ST3GAL3: variants seen among roughly 807,000 people sequenced by gnomAD.
The protein encoded by ST3GAL3 is ST3 beta-galactoside alpha-2,3-sialyltransferase 3.
In ST3GAL3, 21 loss-of-function variants were observed where a neutral mutation model predicts 50.1. That is an observed-to-expected ratio of 0.42 (90% confidence interval 0.30 to 0.60). ST3GAL3 has a LOEUF of 0.60. ST3GAL3 is among the 20% of genes least tolerant of loss of function. ST3GAL3 has a pLI of 0.19. For missense variants in ST3GAL3, 353 were observed against 489.4 expected, an observed-to-expected ratio of 0.72 and a Z score of 2.63; for synonymous variants, 183 against 190.0, an observed-to-expected ratio of 0.96 and a Z score of 0.30.
chr1:43,851,259 A>C lies in ST3GAL3; in HGVS notation c.302+12948A>C. Reference sequence around the variant, plus strand: ...GATTCAAAGAAGATGGACGTGGCAGAGATTTTCTTCTTGTCTGTCATGAAC... The same window carrying C: ...GATTCAAAGAAGATGGACGTGGCAGCGATTTTCTTCTTGTCTGTCATGAAC... On this transcript the variant is annotated intron_variant, in intron 5 of 11. Transcript: ENST00000347631. 1.9e-6 allele frequency: 3 copies of C among 1,577,926 alleles called. No homozygotes were observed. In the South Asian group the frequency reaches 3.3e-5, roughly 17 times the overall value.
chr1:43,732,969 C>A (rs748578391), intron 1 of ST3GAL3, among the ~76,000 whole-genome samples: 96 of 140,620 alleles, frequency 6.8e-4, no homozygotes, highest in South Asian at 1.3e-3. Context: ...CTTGTGACTT[C>A]ATAAAAAATA....
chr1:43,914,933 C>T (rs537329249), intron 9 of ST3GAL3, among the ~76,000 whole-genome samples: 2 of 151,838 alleles, frequency 1.3e-5, no homozygotes, highest in South Asian at 2.1e-4. Context: ...TTTCTCCACC[C>T]GTCCGTTTCC....
At chr1:43,921,699 T>G in intron 11 of ST3GAL3, 1 of 398,728 alleles carries the variant, frequency 2.5e-6, no homozygotes, top group Non-Finnish European at 4.4e-6. Context: ...TTATCTATCC[T>G]TCTCCATCAT....
intron 3 of ST3GAL3, among the ~76,000 whole-genome samples, chr1:43,793,393 CTT>C (rs1381003608): frequency 6.6e-6 from 1 of 152,136 alleles, no homozygotes; most frequent in East Asian, 1.9e-4. Flanking sequence ...CAATTACACT[CTT>C]TTAATTATTT....
chr1:43,741,200 A>G (rs1469165307), intron 2 of ST3GAL3, among the ~76,000 whole-genome samples: 2 of 151,962 alleles, frequency 1.3e-5, no homozygotes, highest in Non-Finnish European at 2.9e-5. Flanking sequence ...GTGGTGGTAC[A>G]TGTCTATGGT....
intron 5 of ST3GAL3, among the ~76,000 whole-genome samples, chr1:43,870,210 G>A (rs1291479858): frequency 6.6e-6 from 1 of 152,226 alleles, no homozygotes; most frequent in Non-Finnish European, 1.5e-5. Flanking sequence ...AATGAATTTT[G>A]TGAGGCTAAA....
intron 1 of ST3GAL3, among the ~76,000 whole-genome samples, chr1:43,719,936 A>G (rs1669552594): frequency 1.0e-4 from 5 of 49,404 alleles, no homozygotes; most frequent in Non-Finnish European, 3.1e-4. Context: ...CTGTCTCAGA[A>G]AAAAAAAAAA....
At chr1:43,917,592 T>A (rs59341298) in intron 9 of ST3GAL3, among the ~76,000 whole-genome samples, 2,408 of 48,318 alleles carry the variant, frequency 0.05, 71 homozygotes, top group East Asian at 0.19. Flanking sequence ...GTATTATATA[T>A]AATATATATA....
chr1:43,878,590 T>C (rs1341182633), intron 5 of ST3GAL3, among the ~76,000 whole-genome samples: 22 of 152,032 alleles, frequency 1.4e-4, no homozygotes, highest in Admixed American at 1.4e-3. Context: ...GGAGTGTGGC[T>C]GGGGGACTGT....
chr1:43,798,943 A>G (rs890969571), intron 3 of ST3GAL3, among the ~76,000 whole-genome samples: 10 of 152,242 alleles, frequency 6.6e-5, no homozygotes, highest in African/African-American at 2.4e-4. Context: ...GCTTGAGGTC[A>G]AATAAATAAT....
At chr1:43,824,744 C>T (rs777363966) in intron 4 of ST3GAL3, 2 of 1,613,980 alleles carry the variant, frequency 1.2e-6, no homozygotes. Flanking sequence ...ACCGAGGACT[C>T]TCTGCACGGT....
intron 3 of ST3GAL3, among the ~76,000 whole-genome samples, chr1:43,809,618 G>C (rs1414416198): frequency 6.6e-6 from 1 of 151,564 alleles, no homozygotes; most frequent in African/African-American, 2.4e-5. Flanking sequence ...GATTGCTTGA[G>C]CCCAGAAGTT....
chr1:43,775,094 A>G (rs1290308564), intron 2 of ST3GAL3, among the ~76,000 whole-genome samples: 2 of 152,154 alleles, frequency 1.3e-5, no homozygotes, highest in African/African-American at 2.4e-5. Context: ...TCCTAGTGTA[A>G]GAGCGAGAAC....
chr1:43,824,602 T>G, intron 4 of ST3GAL3: 1 of 1,053,494 alleles, frequency 9.5e-7, no homozygotes, highest in Non-Finnish European at 1.5e-6. Context: ...AGCATAGCAT[T>G]GCAGGATTTG....
chr1:43,864,210 G>A (rs892718602), intron 5 of ST3GAL3, among the ~76,000 whole-genome samples: 1 of 152,200 alleles, frequency 6.6e-6, no homozygotes, highest in Non-Finnish European at 1.5e-5. Flanking sequence ...CCTGGGAGAC[G>A]GAGGTTGCAG....
intron 2 of ST3GAL3, among the ~76,000 whole-genome samples, chr1:43,752,082 G>A (rs6429639): frequency 0.35 from 52,904 of 151,958 alleles, 9,986 homozygotes; most frequent in African/African-American, 0.5. Context: ...CTCCCTAAGT[G>A]CGGGGATTAC....
At chr1:43,813,990 C>T (rs2060935479) in intron 3 of ST3GAL3, among the ~76,000 whole-genome samples, 1 of 151,760 alleles carries the variant, frequency 6.6e-6, no homozygotes, top group Non-Finnish European at 1.5e-5. Flanking sequence ...ATATCATTTT[C>T]CTTATACAAA....
intron 9 of ST3GAL3, among the ~76,000 whole-genome samples, chr1:43,907,257 C>CA (rs2079944897): frequency 6.6e-6 from 1 of 152,228 alleles, no homozygotes; most frequent in Non-Finnish European, 1.5e-5. Context: ...CCAAAGCAAT[C>CA]ACCAACATCA....
chr1:43,736,688 A>C, intron 2 of ST3GAL3: 1 of 454,958 alleles, frequency 2.2e-6, no homozygotes, highest in Non-Finnish European at 4.1e-6. Context: ...TGTTCTTTCT[A>C]ATTGCTGTAG....
Sources: gnomAD v4.1 joint callset for allele counts (sites outside exome capture counted in the v4.1 genomes callset) on GRCh38, gnomAD v4.1.1 for gene constraint, MANE v1.5 for transcripts, NCBI Gene and HGNC (gene_info 2026-07-23, HGNC 2026-07-21) for gene names.